The following GRID2 variants were observed in gnomAD, a reference collection of about 807,000 sequenced individuals.
GRID2 encodes the protein glutamate receptor ionotropic, delta-2.
In GRID2, 33 loss-of-function variants were observed where a neutral mutation model predicts 114.8. The ratio of observed to expected loss-of-function variants is 0.29; its 90% confidence interval spans 0.22 to 0.38. The LOEUF (loss-of-function observed/expected upper bound fraction) is 0.38. Ranked by LOEUF, GRID2 falls within the 10% of genes least tolerant of loss-of-function variation. The probability of loss-of-function intolerance (pLI) is 1.00; values close to 1 mark genes in which losing one functional copy is unlikely to be tolerated. For synonymous variants in GRID2, 505 were observed against 449.9 expected (o/e 1.12, Z -1.55); for missense variants, 1,184 against 1,257.7 (o/e 0.94, Z 0.89).
chr4:92,402,463 T>C (rs1730831060), intron 1 of GRID2, among the ~76,000 whole-genome samples: 1 of 152,186 alleles, frequency 6.6e-6, no homozygotes, highest in Non-Finnish European at 1.5e-5. Flanking sequence ...GTATTACTAT[T>C]TGATTCATGG....
chr4:93,063,410 G>C (rs1392255040), intron 2 of GRID2, among the ~76,000 whole-genome samples: 1 of 151,780 alleles, frequency 6.6e-6, no homozygotes, highest in Admixed American at 6.6e-5. Context: ...ATAAACTTTA[G>C]GAGTATTTAC....
intron 4 of GRID2, among the ~76,000 whole-genome samples, chr4:93,144,610 T>C (rs1365134626): frequency 6.6e-6 from 1 of 151,998 alleles, no homozygotes; most frequent in Non-Finnish European, 1.5e-5. Context: ...TCTAAGTACT[T>C]GAATAAGTCA....
intron 1 of GRID2, among the ~76,000 whole-genome samples, chr4:92,380,025 T>A (rs912726253): frequency 2.0e-5 from 3 of 151,994 alleles, no homozygotes; most frequent in African/African-American, 4.8e-5. Context: ...GGTCTAATTA[T>A]GTGAAAAAAC....
intron 12 of GRID2, among the ~76,000 whole-genome samples, chr4:93,509,501 A>G (rs1728961820): frequency 6.6e-6 from 1 of 152,202 alleles, no homozygotes; most frequent in African/African-American, 2.4e-5. Flanking sequence ...GCTCATAGCT[A>G]ATTACTAAGA....
intron 1 of GRID2, among the ~76,000 whole-genome samples, chr4:92,372,738 A>G (rs1202348011): frequency 6.6e-6 from 1 of 152,060 alleles, no homozygotes; most frequent in African/African-American, 2.4e-5. Flanking sequence ...TAACAAATAC[A>G]CATACTTTTT....
intron 2 of GRID2, among the ~76,000 whole-genome samples, chr4:93,037,763 T>C (rs564381908): frequency 2.0e-5 from 3 of 152,304 alleles, no homozygotes; most frequent in Non-Finnish European, 4.4e-5. Context: ...TGTGTGGCAT[T>C]ATTTCTGAGG....
chr4:92,345,920 CAA>C (rs1727740485), intron 1 of GRID2, among the ~76,000 whole-genome samples: 4 of 152,110 alleles, frequency 2.6e-5, no homozygotes, highest in Non-Finnish European at 5.9e-5. Context: ...ACAAATGATA[CAA>C]AGTGACTTAT....
At chr4:92,597,085 A>C (rs908565990) in intron 2 of GRID2, among the ~76,000 whole-genome samples, 4 of 151,892 alleles carry the variant, frequency 2.6e-5, no homozygotes, top group Admixed American at 2.6e-4. Context: ...CATTATACCA[A>C]ATTTATTTAT....
chr4:92,366,734 T>C (rs541709286), intron 1 of GRID2, among the ~76,000 whole-genome samples: 6 of 151,914 alleles, frequency 3.9e-5, no homozygotes, highest in South Asian at 2.1e-4. Context: ...GAGAAGAACA[T>C]ATGAGAGAAA....
intron 4 of GRID2, among the ~76,000 whole-genome samples, chr4:93,206,335 G>T (rs975849737): frequency 6.6e-6 from 1 of 151,740 alleles, no homozygotes; most frequent in Non-Finnish European, 1.5e-5. Context: ...CTCTTAGCAG[G>T]TGTTTCTCGG....
intron 1 of GRID2, among the ~76,000 whole-genome samples, chr4:92,587,881 T>C (rs1728522318): frequency 6.6e-6 from 1 of 152,176 alleles, no homozygotes; most frequent in African/African-American, 2.4e-5. Context: ...GTCAATAACG[T>C]CACCTGCTAT....
chr4:93,777,260 T>A (rs111780267), downstream of GRID2, among the ~76,000 whole-genome samples: 132 of 152,358 alleles, frequency 8.7e-4, 1 homozygote, highest in African/African-American at 3.1e-3. Context: ...TCAAGGAACT[T>A]GCTCTCATTT....
At chr4:93,253,909 TC>T (rs1455645305) in intron 8 of GRID2, among the ~76,000 whole-genome samples, 11 of 152,164 alleles carry the variant, frequency 7.2e-5, no homozygotes, top group Non-Finnish European at 1.3e-4. Context: ...CTACTTCTTT[TC>T]CCTCTGATTT....
At chr4:92,493,770 A>G (rs1434194463) in intron 1 of GRID2, among the ~76,000 whole-genome samples, 25 of 152,170 alleles carry the variant, frequency 1.6e-4, no homozygotes, top group Admixed American at 1.6e-3. Flanking sequence ...AATTATTGCT[A>G]TCATTTTGAA....
chr4:93,213,481 T>C (rs1743810934), intron 5 of GRID2, among the ~76,000 whole-genome samples: 1 of 152,144 alleles, frequency 6.6e-6, no homozygotes. Context: ...GATGATAAAA[T>C]CTTACCATTC....
chr4:93,212,027 T>A (rs1743548199), intron 5 of GRID2, among the ~76,000 whole-genome samples: 4 of 152,098 alleles, frequency 2.6e-5, no homozygotes, highest in Middle Eastern at 6.8e-3. Context: ...TTATAATGGA[T>A]GAATTATAAT....
intron 2 of GRID2, among the ~76,000 whole-genome samples, chr4:92,606,685 G>A (rs1729469316): frequency 6.6e-6 from 1 of 151,792 alleles, no homozygotes; most frequent in African/African-American, 2.4e-5. Flanking sequence ...TTCGTTGGCT[G>A]CACTCCACCC....
chr4:93,783,029 T>C (rs1055089615), intron 1 of GRID2, among the ~76,000 whole-genome samples: 1 of 152,218 alleles, frequency 6.6e-6, no homozygotes, highest in African/African-American at 2.4e-5. Context: ...GAGGCACATG[T>C]TTCTGGACTG....
intron 2 of GRID2, among the ~76,000 whole-genome samples, chr4:92,810,280 T>C (rs1211043087): frequency 6.6e-6 from 1 of 151,976 alleles, no homozygotes; most frequent in Non-Finnish European, 1.5e-5. Flanking sequence ...AACCTATCCT[T>C]AATTTATGAG....
Sources: gnomAD v4.1 joint callset for allele counts (sites outside exome capture counted in the v4.1 genomes callset) on GRCh38, gnomAD v4.1.1 for gene constraint, MANE v1.5 for transcripts, NCBI Gene and HGNC (gene_info 2026-07-23, HGNC 2026-07-21) for gene names.